MAPK14: variants seen among roughly 807,000 people sequenced by gnomAD.
MAPK14 encodes mitogen-activated protein kinase 14.
A neutral mutation model predicts 49.6 loss-of-function variants in MAPK14; 16 were observed. The observed-to-expected ratio is 0.32, with a 90% CI of 0.22 to 0.49. MAPK14 has a LOEUF of 0.49. Ranked by LOEUF, MAPK14 falls within the 20% of genes least tolerant of loss-of-function variation. The pLI, the probability that MAPK14 is intolerant of heterozygous loss-of-function variation, is 0.99. For missense variants in MAPK14, 200 were observed against 441.2 expected (o/e 0.45, Z 4.90); for synonymous variants, 142 against 158.0 (o/e 0.90, Z 0.76).
At chr6:36,034,343 T>C (rs1762654575) in intron 1 of MAPK14, among the ~76,000 whole-genome samples, 1 of 152,252 alleles carries the variant, frequency 6.6e-6, no homozygotes, top group African/African-American at 2.4e-5. Context: ...GGATTGAAAT[T>C]CTTCAGTGTA....
the MAPK14 span, among the ~76,000 whole-genome samples, chr6:36,118,188 C>T: frequency 1.3e-5 from 2 of 152,212 alleles, no homozygotes; most frequent in African/African-American, 4.8e-5. Flanking sequence ...ATAATTCCTA[C>T]TGTGTCCCCA....
At chr6:36,106,904 G>A (rs1400312850) in intron 10 of MAPK14, among the ~76,000 whole-genome samples, 1 of 150,574 alleles carries the variant, frequency 6.6e-6, no homozygotes, top group Non-Finnish European at 1.5e-5. Flanking sequence ...AAACAGCTTA[G>A]GGGGACAAAA....
chr6:36,056,509 A>G (rs1256075631), intron 2 of MAPK14, among the ~76,000 whole-genome samples: 1 of 152,222 alleles, frequency 6.6e-6, no homozygotes, highest in African/African-American at 2.4e-5. Flanking sequence ...AGAAATTATA[A>G]GCTCTTGGAC....
chr6:36,035,678 C>T (rs1260703625), intron 1 of MAPK14, among the ~76,000 whole-genome samples: 1 of 152,172 alleles, frequency 6.6e-6, no homozygotes, highest in East Asian at 1.9e-4. Context: ...AAATTATATT[C>T]CAGTAAACAA....
At chr6:36,054,331 G>A (rs1196911060) in intron 2 of MAPK14, among the ~76,000 whole-genome samples, 2 of 152,140 alleles carry the variant, frequency 1.3e-5, no homozygotes, top group Admixed American at 6.5e-5. Flanking sequence ...CTATTGATGT[G>A]GCTATGCTAA....
chr6:36,060,665 T>C (rs1416656110), intron 3 of MAPK14, among the ~76,000 whole-genome samples: 2 of 152,180 alleles, frequency 1.3e-5, no homozygotes, highest in Admixed American at 1.3e-4. Flanking sequence ...CACCGTTTAC[T>C]CCTTCCCCAC....
chr6:36,027,983 G>T lies in MAPK14; in HGVS notation c.-175G>T. The T allele has an allele frequency of 2.3e-6, 1 of 442,146 alleles. No individual in the cohort carries two copies. Among genetic ancestry groups the T allele is most frequent in the Non-Finnish European group, 3.9e-6 (1 of 253,930 alleles). 27.4% of individuals were successfully genotyped at this position (442,146 alleles called of 1,614,324 possible). A position where few individuals can be genotyped will look rare whatever the true frequency, so the allele number is the denominator to read the frequency against. On this transcript the variant is annotated 5_prime_UTR_variant, in exon 1 of 12. Transcript: ENST00000229794. ...TCGCAGGGGCACATCCAGCCGCTGC[G>T]GCTGACAGCAGCCGCGCGCGCGGGA...
chr6:36,081,717 A>G (rs979124753), intron 8 of MAPK14, among the ~76,000 whole-genome samples: 9 of 152,236 alleles, frequency 5.9e-5, no homozygotes, highest in African/African-American at 2.2e-4. Context: ...TGCTTTGACT[A>G]TTCTGGGTCC....
At chr6:36,082,653 C>T (rs751595612) in intron 8 of MAPK14, among the ~76,000 whole-genome samples, 24 of 152,052 alleles carry the variant, frequency 1.6e-4, no homozygotes, top group Admixed American at 5.9e-4. Flanking sequence ...ACTGATAGAG[C>T]GAGAACTCAC....
rs867509609 is a variant in MAPK14 at position 36,076,706 on chromosome 6, A to G, written c.682+98A>G. 3.3e-6 allele frequency: 3 copies of G among 918,788 alleles called. No homozygotes were observed. In the African/African-American group the frequency reaches 5.1e-5, roughly 15 times the overall value. The allele number at this position is 918,788 out of a possible 1,614,324, so 56.9% of individuals were successfully genotyped here. On this transcript the variant is annotated intron_variant, in intron 8 of 11. Coordinates refer to ENST00000229794, the MANE Select transcript of MAPK14 (RefSeq NM_139012.3). ...CTTATCTCTAGGGAAGACTCTCAGTATTTTGCTTTTATAGTCTAGATAATG... is the reference window on the plus strand; with the variant it reads ...CTTATCTCTAGGGAAGACTCTCAGTGTTTTGCTTTTATAGTCTAGATAATG...
At chr6:36,050,905 A>G (rs1409466609) in intron 1 of MAPK14, among the ~76,000 whole-genome samples, 1 of 152,134 alleles carries the variant, frequency 6.6e-6, no homozygotes, top group Non-Finnish European at 1.5e-5. Context: ...GGAGTTTATC[A>G]CAAATTGGGA....
the MAPK14 span, among the ~76,000 whole-genome samples, chr6:36,120,806 C>T: frequency 6.6e-6 from 1 of 152,188 alleles, no homozygotes; most frequent in Non-Finnish European, 1.5e-5. Context: ...GGAACTGTGA[C>T]ATTTGTCCGT....
At chr6:36,052,174 G>C (rs1376455555) in intron 1 of MAPK14, among the ~76,000 whole-genome samples, 1 of 152,016 alleles carries the variant, frequency 6.6e-6, no homozygotes, top group South Asian at 2.1e-4. Flanking sequence ...GCAATTTATT[G>C]TCCTGAAAAC....
intron 1 of MAPK14, among the ~76,000 whole-genome samples, chr6:36,032,058 A>G (rs1259297593): frequency 1.3e-5 from 2 of 152,122 alleles, no homozygotes; most frequent in Non-Finnish European, 2.9e-5. Context: ...CTGGGATTAT[A>G]GGGATGAGCC....
At chr6:36,060,233 TC>T (rs1344959304) in intron 3 of MAPK14, among the ~76,000 whole-genome samples, 1 of 152,164 alleles carries the variant, frequency 6.6e-6, no homozygotes, top group Non-Finnish European at 1.5e-5. Flanking sequence ...ATACACTGGC[TC>T]CTGACCCCAT....
chr6:36,062,450 C>T (rs1405762369), intron 3 of MAPK14, among the ~76,000 whole-genome samples: 1 of 151,996 alleles, frequency 6.6e-6, no homozygotes, highest in Non-Finnish European at 1.5e-5. Flanking sequence ...ATCTGCACCT[C>T]CTAAAAGTAT....
chr6:36,037,221 A>C (rs1445185198), intron 1 of MAPK14, among the ~76,000 whole-genome samples: 6 of 152,100 alleles, frequency 3.9e-5, no homozygotes, highest in Admixed American at 3.9e-4. Context: ...CTGGAACTGA[A>C]CTCATGATAT....
chr6:36,113,792 G>C (rs1766015706), downstream of MAPK14, among the ~76,000 whole-genome samples: 3 of 152,154 alleles, frequency 2.0e-5, no homozygotes, highest in Admixed American at 2.0e-4. Flanking sequence ...AAGTCTATGT[G>C]ACCTGGGGAA....
At chr6:36,101,274 TA>T (rs1765623964) in intron 9 of MAPK14, among the ~76,000 whole-genome samples, 1 of 151,996 alleles carries the variant, frequency 6.6e-6, no homozygotes, top group Non-Finnish European at 1.5e-5. Flanking sequence ...ACTGCAGCTC[TA>T]CAAAAAAATT....
Sources: gnomAD v4.1 joint callset for allele counts (sites outside exome capture counted in the v4.1 genomes callset) on GRCh38, gnomAD v4.1.1 for gene constraint, MANE v1.5 for transcripts, NCBI Gene and HGNC (gene_info 2026-07-23, HGNC 2026-07-21) for gene names.